DHRS4L2: variants seen among roughly 807,000 people sequenced by gnomAD.
The protein encoded by DHRS4L2 is dehydrogenase/reductase 4 like 2.
A neutral mutation model predicts 23.9 loss-of-function variants in DHRS4L2; 22 were observed. The observed-to-expected ratio is 0.92, with a 90% CI of 0.66 to 1.31. The LOEUF (loss-of-function observed/expected upper bound fraction) is 1.31. Among genes scored for constraint, DHRS4L2 ranks in the 40% most tolerant of loss-of-function variants. The probability of loss-of-function intolerance (pLI) is 0.00; values close to 1 mark genes in which losing one functional copy is unlikely to be tolerated. For synonymous variants in DHRS4L2, 141 were observed against 123.7 expected (o/e 1.14, Z -0.93); for missense variants, 385 against 303.3 (o/e 1.27, Z -2.00).
At chr14:23,988,753 C>CA, upstream of DHRS4L2, 3 of 1,384,188 alleles carry the variant, frequency 2.2e-6, 1 homozygote, top group Non-Finnish European at 2.8e-6. Flanking sequence ...AAGCCCCAGT[C>CA]AGGCGGAAGG....
intron 1 of DHRS4L2, 145 bp from the exon 2 acceptor site, chr14:23,990,037 C>G: frequency 7.6e-7 from 1 of 1,319,884 alleles, no homozygotes; most frequent in East Asian, 2.5e-5. Flanking sequence ...GCCATTAAGC[C>G]TGTTTTACAC....
intron 1 of DHRS4L2, among the ~76,000 whole-genome samples, chr14:23,972,508 G>A (rs2033880996): frequency 6.6e-6 from 1 of 151,996 alleles, no homozygotes; most frequent in Non-Finnish European, 1.5e-5. Flanking sequence ...AAGATTTATT[G>A]CAAAGAGTGA....
Position 24,004,376 on chromosome 14 carries a change from A to G in DHRS4L2, c.*6A>G. 4 of 1,603,958 alleles carry G rather than the reference A, an allele frequency of 2.5e-6. No homozygotes were observed. Among genetic ancestry groups the G allele is most frequent in the Non-Finnish European group, 3.4e-6 (4 of 1,178,440 alleles). Reference sequence around the variant, plus strand: ...GGAAAAAGAGGAAAGCATGAAAGAAACCCTGCGGATAAGAAGGTAAACTGT... The same window carrying G: ...GGAAAAAGAGGAAAGCATGAAAGAAGCCCTGCGGATAAGAAGGTAAACTGT... On this transcript the variant is annotated 3_prime_UTR_variant, in exon 7 of 8. Transcript: ENST00000335125.
intron 2 of DHRS4L2, chr14:23,990,987 T>C: frequency 1.4e-6 from 1 of 704,040 alleles, no homozygotes; most frequent in Non-Finnish European, 1.7e-6. Flanking sequence ...AGTACATAAG[T>C]CAATGTCATA....
chr14:23,972,937 G>A (rs1046881017), intron 1 of DHRS4L2, among the ~76,000 whole-genome samples: 3 of 151,922 alleles, frequency 2.0e-5, no homozygotes, highest in Admixed American at 6.5e-5. Flanking sequence ...ACATGTCGGT[G>A]GAGTAAAGAA....
intron 1 of DHRS4L2, among the ~76,000 whole-genome samples, chr14:23,970,851 T>C (rs1383181281): frequency 2.0e-5 from 3 of 152,008 alleles, no homozygotes; most frequent in Non-Finnish European, 4.4e-5. Context: ...GGAATGGACT[T>C]CCAGCAAACC....
chr14:23,998,847 T>C (rs1218973545), intron 3 of DHRS4L2, among the ~76,000 whole-genome samples: 1 of 146,654 alleles, frequency 6.8e-6, no homozygotes, highest in Non-Finnish European at 1.5e-5. Context: ...ATTTTTCCTT[T>C]GCATTCACAA....
chr14:23,988,844 G>T (rs575382198), upstream of DHRS4L2: 3 of 1,462,268 alleles, frequency 2.1e-6, no homozygotes, highest in African/African-American at 2.8e-5. Context: ...GCCGAGGGCG[G>T]GAAGGGGGCA....
chr14:23,976,261 GA>G lies in DHRS4L2; in HGVS notation c.-176+5937del, dbSNP rs564027411. On this transcript the variant is annotated intron_variant, in intron 1 of 5. Transcript: ENST00000534993. ...ACAAAGAACTTAAATAAATTTACAA[GA>G]AAAAAAATAACCCCATCAAAAAGTG... 6.4e-3 allele frequency among the ~76,000 whole-genome samples: 972 copies of G among 151,306 alleles called. 14 individuals carry two copies. Among genetic ancestry groups the G allele is most frequent in the Middle Eastern group, 0.017 (5 of 294 alleles).
chr14:23,982,254 C>T (rs1487783480), intron 1 of DHRS4L2, among the ~76,000 whole-genome samples: 1 of 151,710 alleles, frequency 6.6e-6, no homozygotes, highest in Non-Finnish European at 1.5e-5. Context: ...TTTTACCAAG[C>T]ATACTGCCTG....
chr14:23,983,682 C>T (rs1283681409), intron 1 of DHRS4L2, among the ~76,000 whole-genome samples: 2 of 151,676 alleles, frequency 1.3e-5, no homozygotes, highest in Non-Finnish European at 1.5e-5. Context: ...ACATATACAC[C>T]ATGGAATACT....
chr14:24,000,576 C>G (rs896133568), intron 3 of DHRS4L2, among the ~76,000 whole-genome samples: 4 of 151,802 alleles, frequency 2.6e-5, no homozygotes, highest in African/African-American at 9.6e-5. Flanking sequence ...AGCTCAAATC[C>G]AAAGGCCCCT....
chr14:23,992,835 A>T lies in DHRS4L2; in HGVS notation c.307-2197A>T, dbSNP rs553762330. Among the ~76,000 whole-genome samples the T allele has an allele frequency of 2.1e-4, 31 of 146,800 alleles. 1 individual carries two copies. In the South Asian group the frequency reaches 6.8e-3, roughly 32 times the overall value. On this transcript the variant is annotated intron_variant, in intron 2 of 7. Transcript: ENST00000335125. ...CAAGTGGCTAAAACTATAGGCATGC[A>T]CCACCACACCAGTTCATTTTTTAAA...
chr14:23,981,880 C>G (rs572760206), intron 1 of DHRS4L2, among the ~76,000 whole-genome samples: 3 of 151,742 alleles, frequency 2.0e-5, no homozygotes, highest in Non-Finnish European at 4.4e-5. Flanking sequence ...AACAAGGCAG[C>G]ATTGCTGCAA....
At chr14:23,987,196 T>A (rs1300907245), upstream of DHRS4L2, 1 of 352,488 alleles carries the variant, frequency 2.8e-6, no homozygotes, top group African/African-American at 2.3e-5. Context: ...AGTGGCGTGA[T>A]CTTGGCTCAC....
intron 6 of DHRS4L2, 136 bp downstream of exon 6, chr14:24,001,653 T>C: frequency 2.3e-6 from 3 of 1,329,264 alleles, no homozygotes; most frequent in Non-Finnish European, 3.0e-6. Flanking sequence ...ATATTCCCTC[T>C]CTGTACCACC....
intron 2 of DHRS4L2, among the ~76,000 whole-genome samples, chr14:23,991,725 G>A (rs1269335845): frequency 2.0e-5 from 3 of 147,168 alleles, no homozygotes; most frequent in Non-Finnish European, 4.5e-5. Context: ...TAGAGGCCAT[G>A]GGCCTCCATA....
intron 1 of DHRS4L2, among the ~76,000 whole-genome samples, chr14:23,970,562 C>T (rs1489444210): frequency 3.9e-5 from 6 of 152,082 alleles, no homozygotes; most frequent in Admixed American, 2.0e-4. Flanking sequence ...CAAAAGGCAG[C>T]GGACAGCTTC....
At chr14:23,994,915 C>T (rs2034347817) in intron 2 of DHRS4L2, 117 bp from the exon 3 acceptor site, 6 of 1,287,454 alleles carry the variant, frequency 4.7e-6, no homozygotes, top group East Asian at 2.4e-5. Context: ...TCCCAAAGTG[C>T]TATGATTACA....
Sources: gnomAD v4.1 joint callset for allele counts (sites outside exome capture counted in the v4.1 genomes callset) on GRCh38, gnomAD v4.1.1 for gene constraint, MANE v1.5 for transcripts, NCBI Gene and HGNC (gene_info 2026-07-23, HGNC 2026-07-21) for gene names.